The following ERBB4 variants were observed in gnomAD, a reference collection of about 807,000 sequenced individuals.
The protein encoded by ERBB4 is receptor tyrosine-protein kinase erbB-4.
In ERBB4, 42 loss-of-function variants were observed where a neutral mutation model predicts 158.0. The observed-to-expected ratio is 0.27, with a 90% CI of 0.21 to 0.34. ERBB4 has a LOEUF of 0.34. Ranked by LOEUF, ERBB4 falls within the 10% of genes least tolerant of loss-of-function variation. ERBB4 has a pLI of 1.00. For missense variants in ERBB4, 1,333 were observed against 1,624.1 expected (o/e 0.82, Z 3.08); for synonymous variants, 583 against 558.7 (o/e 1.04, Z -0.61).
intron 3 of ERBB4, among the ~76,000 whole-genome samples, chr2:211,850,698 G>C (rs572557759): frequency 9.2e-5 from 14 of 151,878 alleles, no homozygotes; most frequent in Non-Finnish European, 1.9e-4. Flanking sequence ...TAATTCATAT[G>C]GCTGGTAGGT....
At chr2:211,643,882 G>C (rs1021477647) in intron 16 of ERBB4, among the ~76,000 whole-genome samples, 7 of 152,002 alleles carry the variant, frequency 4.6e-5, no homozygotes, top group African/African-American at 1.4e-4. Context: ...GATATTATGT[G>C]TCATCCATTT....
At chr2:212,503,206 G>C (rs554800111) in intron 1 of ERBB4, among the ~76,000 whole-genome samples, 44 of 152,014 alleles carry the variant, frequency 2.9e-4, no homozygotes, top group African/African-American at 1.1e-3. Context: ...TGTAACACAG[G>C]GTTTTTGTTG....
chr2:211,570,279 G>A (rs2067677438), intron 19 of ERBB4, among the ~76,000 whole-genome samples: 1 of 146,500 alleles, frequency 6.8e-6, no homozygotes, highest in Non-Finnish European at 1.5e-5. Context: ...AGCCTCCTGA[G>A]TAGATGTGAT....
intron 18 of ERBB4, among the ~76,000 whole-genome samples, chr2:211,623,670 G>T (rs1390771243): frequency 6.6e-6 from 1 of 152,050 alleles, no homozygotes; most frequent in Non-Finnish European, 1.5e-5. Context: ...GGCTCAGAAA[G>T]GTATTAAGAA....
chr2:212,120,338 C>T (rs2079709651), intron 2 of ERBB4, among the ~76,000 whole-genome samples: 1 of 152,104 alleles, frequency 6.6e-6, no homozygotes, highest in Non-Finnish European at 1.5e-5. Flanking sequence ...TTGTCTTATT[C>T]CCACATACCT....
chr2:212,347,997 G>T (rs776643683), intron 1 of ERBB4, among the ~76,000 whole-genome samples: 3 of 152,000 alleles, frequency 2.0e-5, no homozygotes, highest in Non-Finnish European at 4.4e-5. Flanking sequence ...TATGTTGGAT[G>T]GATGGAGGGG....
chr2:211,835,894 G>C (rs1575218829), intron 3 of ERBB4, among the ~76,000 whole-genome samples: 1 of 152,018 alleles, frequency 6.6e-6, no homozygotes, highest in Admixed American at 6.6e-5. Flanking sequence ...GTGTGTGTTT[G>C]AGGAACAGTT....
intron 17 of ERBB4, among the ~76,000 whole-genome samples, chr2:211,626,696 AG>A (rs765837391): frequency 1.2e-4 from 18 of 152,154 alleles, no homozygotes; most frequent in Non-Finnish European, 2.4e-4. Context: ...AGGCCGAGGC[AG>A]GCGGATCACG....
At chr2:212,157,598 T>C (rs1406268430) in intron 1 of ERBB4, among the ~76,000 whole-genome samples, 1 of 152,090 alleles carries the variant, frequency 6.6e-6, no homozygotes, top group African/African-American at 2.4e-5. Flanking sequence ...AGAAAATTAA[T>C]TCTGTATCTG....
At chr2:211,392,601 C>A (rs1389450780) in intron 25 of ERBB4, among the ~76,000 whole-genome samples, 1 of 134,120 alleles carries the variant, frequency 7.5e-6, no homozygotes, top group African/African-American at 2.6e-5. Flanking sequence ...CACACACACA[C>A]CCCAATAATG....
At chr2:211,668,781 G>A (rs549660031) in intron 14 of ERBB4, among the ~76,000 whole-genome samples, 4 of 152,048 alleles carry the variant, frequency 2.6e-5, no homozygotes, top group African/African-American at 9.7e-5. Flanking sequence ...GAGATAACTA[G>A]TGCTTAAGTC....
intron 3 of ERBB4, among the ~76,000 whole-genome samples, chr2:211,870,245 T>C (rs979570921): frequency 1.3e-5 from 2 of 152,198 alleles, no homozygotes; most frequent in African/African-American, 2.4e-5. Flanking sequence ...CTGTAAAATA[T>C]ATTTTTGTGT....
At chr2:211,850,316 T>G (rs1363374065) in intron 3 of ERBB4, among the ~76,000 whole-genome samples, 1 of 151,896 alleles carries the variant, frequency 6.6e-6, no homozygotes, top group African/African-American at 2.4e-5. Context: ...TAAGAAGCAG[T>G]ATATATGCCT....
chr2:211,534,081 C>T (rs992721448), intron 20 of ERBB4, among the ~76,000 whole-genome samples: 2 of 152,024 alleles, frequency 1.3e-5, no homozygotes, highest in African/African-American at 4.8e-5. Context: ...TTCTTATCTG[C>T]CCTTAGCAAA....
At chr2:211,524,365 C>T (rs956764458) in intron 20 of ERBB4, among the ~76,000 whole-genome samples, 40 of 152,158 alleles carry the variant, frequency 2.6e-4, no homozygotes, top group Admixed American at 7.2e-4. Flanking sequence ...GCCAGTCCCA[C>T]GCCATGCGCC....
At chr2:212,376,663 A>G (rs2090332309) in intron 1 of ERBB4, among the ~76,000 whole-genome samples, 1 of 152,022 alleles carries the variant, frequency 6.6e-6, no homozygotes, top group Non-Finnish European at 1.5e-5. Flanking sequence ...TCTTTAAAGG[A>G]CACTCATTTT....
At chr2:211,418,294 A>T (rs994684356) in intron 25 of ERBB4, among the ~76,000 whole-genome samples, 1 of 152,162 alleles carries the variant, frequency 6.6e-6, no homozygotes, top group Non-Finnish European at 1.5e-5. Flanking sequence ...TGGCATTTGT[A>T]CATGTTAGAA....
chr2:211,784,211 C>T (rs1160112774), intron 4 of ERBB4, among the ~76,000 whole-genome samples: 1 of 152,170 alleles, frequency 6.6e-6, no homozygotes, highest in Non-Finnish European at 1.5e-5. Context: ...ACTTTTTCAA[C>T]CTTGAGCAAT....
At chr2:211,726,251 T>A (rs576785479) in intron 5 of ERBB4, among the ~76,000 whole-genome samples, 1 of 152,124 alleles carries the variant, frequency 6.6e-6, no homozygotes, top group Non-Finnish European at 1.5e-5. Flanking sequence ...CTTGACAATT[T>A]TGGGGGGACT....
Sources: gnomAD v4.1 joint callset for allele counts (sites outside exome capture counted in the v4.1 genomes callset) on GRCh38, gnomAD v4.1.1 for gene constraint, MANE v1.5 for transcripts, NCBI Gene and HGNC (gene_info 2026-07-23, HGNC 2026-07-21) for gene names.